The following THRB variants were observed in gnomAD, a reference collection of about 807,000 sequenced individuals.
The protein encoded by THRB is thyroid hormone receptor beta.
A neutral mutation model predicts 47.8 loss-of-function variants in THRB; 12 were observed. The ratio of observed to expected loss-of-function variants is 0.25; its 90% CI spans 0.16 to 0.41. The LOEUF (loss-of-function observed/expected upper bound fraction) is 0.41. Ranked by LOEUF, THRB falls within the 10% of genes least tolerant of loss-of-function variation. The pLI is 1.00. For missense variants in THRB, 348 were observed against 589.2 expected (o/e 0.59, Z 4.24); for synonymous variants, 218 against 212.2 (o/e 1.03, Z -0.24).
intron 4 of THRB, among the ~76,000 whole-genome samples, chr3:24,206,147 G>T (rs149533062): frequency 6.6e-6 from 1 of 151,936 alleles, no homozygotes; most frequent in Non-Finnish European, 1.5e-5. Flanking sequence ...TGCACCAAGC[G>T]GACCTAATAG....
chr3:24,306,453 A>T (rs745517343), intron 2 of THRB, among the ~76,000 whole-genome samples: 1 of 152,152 alleles, frequency 6.6e-6, no homozygotes, highest in Non-Finnish European at 1.5e-5. Flanking sequence ...ATAAATATAG[A>T]TTCCCTGAAA....
At chr3:24,327,059 T>C (rs2061644871) in intron 2 of THRB, among the ~76,000 whole-genome samples, 1 of 152,106 alleles carries the variant, frequency 6.6e-6, no homozygotes, top group African/African-American at 2.4e-5. Flanking sequence ...CACTGCTCCC[T>C]GTCAAAGCTG....
chr3:24,161,700 A>C (rs1428922082), intron 5 of THRB, among the ~76,000 whole-genome samples: 1 of 151,884 alleles, frequency 6.6e-6, no homozygotes, highest in African/African-American at 2.4e-5. Context: ...AAGCAGATTC[A>C]GAAAGCACAG....
chr3:24,397,616 T>TTC (rs2067065516), intron 1 of THRB, among the ~76,000 whole-genome samples: 1 of 150,898 alleles, frequency 6.6e-6, no homozygotes, highest in African/African-American at 2.4e-5. Context: ...TTTTTTTTTT[T>TTC]CTGAGATAGA....
At chr3:24,356,572 C>A (rs776524134) in intron 1 of THRB, among the ~76,000 whole-genome samples, 2 of 152,124 alleles carry the variant, frequency 1.3e-5, no homozygotes, top group Non-Finnish European at 2.9e-5. Context: ...CTATTCCTGG[C>A]TTTGCTAAGA....
chr3:24,136,943 T>C (rs1224688817), intron 8 of THRB, among the ~76,000 whole-genome samples: 10 of 152,196 alleles, frequency 6.6e-5, no homozygotes, highest in African/African-American at 2.4e-4. Flanking sequence ...CTGTCTCTCA[T>C]CTCTGTCTTT....
chr3:24,202,815 TA>T (rs1325119511), intron 4 of THRB, among the ~76,000 whole-genome samples: 1 of 152,210 alleles, frequency 6.6e-6, no homozygotes, highest in Non-Finnish European at 1.5e-5. Context: ...TACCCAAACT[TA>T]CAGATAGTAA....
At chr3:24,372,462 A>G (rs190589935) in intron 1 of THRB, among the ~76,000 whole-genome samples, 20 of 152,212 alleles carry the variant, frequency 1.3e-4, no homozygotes, top group African/African-American at 4.6e-4. Flanking sequence ...CATGCACAAT[A>G]TGGAGTTCCC....
intron 3 of THRB, among the ~76,000 whole-genome samples, chr3:24,274,742 T>C (rs1023534720): frequency 2.0e-5 from 3 of 152,192 alleles, no homozygotes; most frequent in East Asian, 1.9e-4. Flanking sequence ...TGTGGCATTG[T>C]TGCTTCCCCA....
chr3:24,176,121 C>A (rs1377007715), intron 5 of THRB, among the ~76,000 whole-genome samples: 1 of 151,504 alleles, frequency 6.6e-6, no homozygotes, highest in East Asian at 1.9e-4. Flanking sequence ...TTATTATAGT[C>A]AATATGTTTC....
chr3:24,199,364 T>C (rs1228637727), intron 4 of THRB, among the ~76,000 whole-genome samples: 1 of 152,234 alleles, frequency 6.6e-6, no homozygotes, highest in Non-Finnish European at 1.5e-5. Flanking sequence ...TGGTTTTGTC[T>C]TTCTTTTACT....
Position 24,130,021 on chromosome 3 carries a change from C to A in THRB, c.886-2264G>T, listed in dbSNP as rs373672337. 1.9e-4 allele frequency among the ~76,000 whole-genome samples: 29 copies of A among 152,322 alleles called. 1 individual carries two copies. Among genetic ancestry groups the A allele is most frequent in the African/African-American group, 7.0e-4 (29 of 41,570 alleles). On this transcript the variant is annotated intron_variant, in intron 9 of 10. Transcript: ENST00000646209. ...ACCACCTGAGATCTCCAGCCCACTC[C>A]ATGGGTAGCTCACGAACCTATACAG...
chr3:24,218,347 T>C (rs1463214652), intron 4 of THRB, among the ~76,000 whole-genome samples: 2 of 147,052 alleles, frequency 1.4e-5, no homozygotes, highest in Admixed American at 1.4e-4. Context: ...TCTCTCTTTT[T>C]TTTTTTTTTT....
intron 1 of THRB, among the ~76,000 whole-genome samples, chr3:24,465,926 T>C (rs777623617): frequency 6.6e-6 from 1 of 152,192 alleles, no homozygotes; most frequent in Non-Finnish European, 1.5e-5. Context: ...AGAACTACTC[T>C]CCCATCTCCC....
intron 2 of THRB, among the ~76,000 whole-genome samples, chr3:24,336,718 C>G (rs1311027296): frequency 3.4e-5 from 5 of 146,474 alleles, no homozygotes; most frequent in Non-Finnish European, 3.0e-5. Context: ...ATCTAATTCT[C>G]ATGCTTTTTT....
intron 1 of THRB, among the ~76,000 whole-genome samples, chr3:24,473,991 A>G (rs1457572775): frequency 6.6e-6 from 1 of 152,184 alleles, no homozygotes; most frequent in African/African-American, 2.4e-5. Flanking sequence ...GGATAGCATT[A>G]GAAGAAATAC....
intron 8 of THRB, among the ~76,000 whole-genome samples, chr3:24,142,992 T>C (rs1383896804): frequency 2.0e-5 from 3 of 152,216 alleles, no homozygotes; most frequent in Admixed American, 2.0e-4. Flanking sequence ...CTATCCCTAC[T>C]CCCTCATTCC....
intron 3 of THRB, among the ~76,000 whole-genome samples, chr3:24,243,613 G>A (rs1488938455): frequency 1.3e-5 from 2 of 151,784 alleles, no homozygotes; most frequent in Non-Finnish European, 2.9e-5. Context: ...CCCTTCCCTG[G>A]GCACGGCGCT....
At chr3:24,430,264 A>AG (rs1464461703) in intron 1 of THRB, 193 of 152,270 alleles carry the variant, frequency 1.3e-3, no homozygotes, top group African/African-American at 4.3e-3. Flanking sequence ...TAAATCAAGC[A>AG]TGAGGTATGG....
Sources: allele counts gnomAD v4.1 joint callset (sites outside exome capture counted in the v4.1 genomes callset), GRCh38; gene constraint gnomAD v4.1.1; transcripts MANE v1.5; gene names NCBI Gene and HGNC (gene_info 2026-07-23, HGNC 2026-07-21).